The following PAXIP1 variants were observed in gnomAD, a reference collection of about 807,000 sequenced individuals.
PAXIP1 encodes the protein PAX interacting protein 1.
Under a neutral mutation model 140.6 loss-of-function variants are expected in PAXIP1, and 19 were observed. The ratio of observed to expected loss-of-function variants is 0.14; its 90% CI spans 0.09 to 0.20. The LOEUF (loss-of-function observed/expected upper bound fraction) is 0.20, where lower values mean the gene tolerates loss of function less well. Among genes scored for constraint, PAXIP1 ranks in the 10% least tolerant of loss-of-function variants. PAXIP1 has a pLI of 1.00. For synonymous variants in PAXIP1, 442 were observed against 444.6 expected (o/e 0.99, Z 0.07); for missense variants, 920 against 1,208.6 (o/e 0.76, Z 3.54).
At position 155,002,856 on chromosome 7, in the gene PAXIP1, T is replaced by C; in HGVS notation, c.74A>G (p.Asp25Gly). The change falls in exon 1 of 21, where the codon GAC becomes GGC. Residue 25 changes from aspartate to glycine, a missense_variant. Transcript: ENST00000404141. ...EVKYYAVGDI[D>G]PQVIQLLKAG... ...CAGGGGCGGGCGCGGTACCTGCGGG[T>C]CGATGTCGCCCACCGCGTAATACTT... The C allele has an allele frequency of 7.2e-7, 1 of 1,395,598 alleles. No homozygotes were observed. The highest frequency in any genetic ancestry group is 9.5e-7 in the Non-Finnish European group (1 of 1,056,592). The allele number at this position is 1,395,598 out of a possible 1,614,324, so 86.5% of individuals were successfully genotyped here.
At position 154,944,339 on chromosome 7, in the gene PAXIP1, A is replaced by G. The variant is rs1807826748; in HGVS notation, c.3195-175T>C. The G allele has an allele frequency of 3.7e-6, 2 of 539,150 alleles. 1 individual carries two copies. The highest frequency in any genetic ancestry group is 4.9e-5 in the South Asian group (2 of 41,114). 33.4% of individuals were successfully genotyped at this position (539,150 alleles called of 1,614,324 possible). ...CATACCCACATCACAGGAGGCCCTC[A>G]GCCCCGACACACAGGCTCACTCAGC... is the stretch of plus-strand genomic sequence containing the variant. On this transcript the variant is annotated intron_variant, in intron 20 of 20. Transcript: ENST00000404141.
intron 2 of PAXIP1, among the ~76,000 whole-genome samples, chr7:154,997,885 A>G (rs1810710806): frequency 6.6e-6 from 1 of 152,260 alleles, no homozygotes; most frequent in African/African-American, 2.4e-5. Flanking sequence ...ACCTTGCCAC[A>G]GTCGGGATGG....
rs181954521 is a variant in PAXIP1, at chr7:154,992,305, T to C, written c.261-1236A>G. Reference sequence around the variant, plus strand: ...GGCTCATGCCTGTAATCCCAGCACTTTGGGAGGCCGAGGTGGGTGGACCAC... The same window carrying C: ...GGCTCATGCCTGTAATCCCAGCACTCTGGGAGGCCGAGGTGGGTGGACCAC... On this transcript the variant is annotated intron_variant, in intron 3 of 20. Transcript: ENST00000404141. Among the ~76,000 whole-genome samples the C allele has an allele frequency of 4.5e-3, 678 of 152,246 alleles. 22 individuals are homozygous for C. The highest frequency in any genetic ancestry group is 0.038 in the Admixed American group (581 of 15,296).
Position 154,946,815 on chromosome 7 carries a change from TA to T in PAXIP1, c.2923-3del. On this transcript the variant is annotated splice_region_variant and splice_polypyrimidine_tract_variant and intron_variant, in intron 17 of 20. Coordinates refer to ENST00000404141, the MANE Select transcript of PAXIP1 (RefSeq NM_007349.4). This position sits in a 1 kb window ranked among gnomAD's most constrained non-coding sequence, Gnocchi z 4.9. ...AGGTGTGATGTAAAAATATTTTGCCTAAAATTAAATGAAAATATATGTATTA... is the reference window on the plus strand; with the variant it reads ...AGGTGTGATGTAAAAATATTTTGCCTAAATTAAATGAAAATATATGTATTA... 6.4e-7 allele frequency: 1 copy of T among 1,565,480 alleles called. No individual in the cohort carries two copies. The highest frequency in any genetic ancestry group is 8.7e-7 in the Non-Finnish European group (1 of 1,149,648).
chr7:154,979,785 G>A (rs1809758273), intron 5 of PAXIP1, among the ~76,000 whole-genome samples: 1 of 152,168 alleles, frequency 6.6e-6, no homozygotes, highest in Non-Finnish European at 1.5e-5. Context: ...GGGTGAGTTA[G>A]AAAGAACCAG....
chr7:154,984,750 A>T (rs1254327485), intron 4 of PAXIP1, among the ~76,000 whole-genome samples: 1 of 152,258 alleles, frequency 6.6e-6, no homozygotes, highest in Non-Finnish European at 1.5e-5. Flanking sequence ...GATAATACAG[A>T]TTAATCCAAT....
At position 154,956,852 on chromosome 7, in the gene PAXIP1, C is replaced by T. The variant is rs1017513928; in HGVS notation, c.2549+372G>A. The T allele has an allele frequency of 1.8e-5, 3 of 169,022 alleles. No homozygotes were observed. The highest frequency in any genetic ancestry group is 4.8e-5 in the African/African-American group (2 of 41,786). 10.5% of individuals were successfully genotyped at this position (169,022 alleles called of 1,614,324 possible). A position where few individuals can be genotyped will look rare whatever the true frequency, so the allele number is the denominator to read the frequency against. ...GCCTACATGCTCTCTCGGCAGCCTACACGCTCTCTTGGCATGTACAGCAGG... is the reference window on the plus strand; with the variant it reads ...GCCTACATGCTCTCTCGGCAGCCTATACGCTCTCTTGGCATGTACAGCAGG... On this transcript the variant is annotated intron_variant, in intron 14 of 20. Transcript: ENST00000404141. This position sits in a 1 kb window ranked among gnomAD's most constrained non-coding sequence, Gnocchi z 4.2.
chr7:154,991,834 A>G (rs1585082706), intron 3 of PAXIP1, among the ~76,000 whole-genome samples: 1 of 152,318 alleles, frequency 6.6e-6, no homozygotes, highest in South Asian at 2.1e-4. Flanking sequence ...GGGTTAAAGT[A>G]TTACTTCTCT....
intron 9 of PAXIP1, 78 bp from the exon 10 acceptor site, chr7:154,962,536 C>T (rs1027209141): frequency 1.6e-6 from 2 of 1,263,680 alleles, no homozygotes; most frequent in East Asian, 2.5e-5. Context: ...GGTTGTATAA[C>T]TACAATGCCC....
At chr7:154,988,155 C>T (rs985499468) in intron 4 of PAXIP1, among the ~76,000 whole-genome samples, 1 of 152,212 alleles carries the variant, frequency 6.6e-6, no homozygotes, top group Admixed American at 6.5e-5. Context: ...CGTGCAAATG[C>T]ACACCCTTGG....
intron 5 of PAXIP1, among the ~76,000 whole-genome samples, chr7:154,979,727 A>AT (rs1302890481): frequency 6.6e-6 from 1 of 151,980 alleles, no homozygotes; most frequent in Non-Finnish European, 1.5e-5. Context: ...GCCAGAATAT[A>AT]TGGTTCCTTC....
In PAXIP1 at chr7:154,955,523, T is replaced by C. The variant is rs1808465928; in HGVS notation, c.2652+6A>G. The C allele has an allele frequency of 1.3e-6, 2 of 1,577,130 alleles. No homozygotes were observed. Among genetic ancestry groups the C allele is most frequent in the South Asian group, 2.2e-5 (2 of 89,804 alleles). On this transcript the variant is annotated splice_donor_region_variant and intron_variant, in intron 15 of 20. Transcript: ENST00000404141. Reference sequence around the variant, plus strand: ...AAATCCTTGTACGAAGTAGATGAAATTTCACCTTAATATACTGTTGAACCT... The same window carrying C: ...AAATCCTTGTACGAAGTAGATGAAACTTCACCTTAATATACTGTTGAACCT...
intron 4 of PAXIP1, among the ~76,000 whole-genome samples, chr7:154,988,611 CTTAT>C (rs994249239): frequency 2.0e-5 from 3 of 152,116 alleles, no homozygotes; most frequent in African/African-American, 4.8e-5. Flanking sequence ...TTTTGATTTT[CTTAT>C]TTATTTCACC....
At chr7:154,976,869 A>C (rs1266004375) in intron 5 of PAXIP1, among the ~76,000 whole-genome samples, 1 of 152,220 alleles carries the variant, frequency 6.6e-6, no homozygotes, top group Non-Finnish European at 1.5e-5. Context: ...AGGGATGGAG[A>C]CACAAAGGAT....
intron 10 of PAXIP1, among the ~76,000 whole-genome samples, chr7:154,961,952 GCTC>G (rs1394102008): frequency 3.3e-5 from 5 of 152,214 alleles, no homozygotes; most frequent in African/African-American, 1.2e-4. Context: ...CCACGAGCCA[GCTC>G]CTCCTTCTCC....
At chr7:154,955,100 C>G (rs1225025396) in intron 15 of PAXIP1, among the ~76,000 whole-genome samples, 1 of 152,146 alleles carries the variant, frequency 6.6e-6, no homozygotes, top group African/African-American at 2.4e-5. Context: ...AAAACCTGTG[C>G]CCATTTATCA....
chr7:155,003,348 G>A (rs1250262977), upstream of PAXIP1: 9 of 152,018 alleles, frequency 5.9e-5, no homozygotes, highest in South Asian at 1.7e-3. Context: ...CCCCCTCGGC[G>A]GGGCCGGAGT....
At chr7:155,002,828 C>A (rs958636773) in intron 1 of PAXIP1, 21 bp downstream of exon 1, 3 of 1,360,300 alleles carry the variant, frequency 2.2e-6, no homozygotes, top group Non-Finnish European at 2.9e-6. Flanking sequence ...GAGGAGGCCG[C>A]GGCAGGGGCG....
chr7:154,968,629 G>T lies in PAXIP1; in HGVS notation c.1572C>A (p.Leu524=). The change falls in exon 7 of 21, where the codon CTC becomes CTA. Residue 524 remains leucine (L), a synonymous_variant. Coordinates refer to ENST00000404141, the MANE Select transcript of PAXIP1 (RefSeq NM_007349.4). Reference sequence around the variant, plus strand: ...GAATCTGCTGTTGCTGCTGCTGCTGGAGCAGGCTGTGCTGCTGCTGGAGCT... The same window carrying T: ...GAATCTGCTGTTGCTGCTGCTGCTGTAGCAGGCTGTGCTGCTGCTGGAGCT... ...LAQLQQQHSL[L]QQQQQQQIQQ... is the part of the protein sequence containing the mutation. 1 of 713,500 alleles carries T rather than the reference G, an allele frequency of 1.4e-6. No individual in the cohort carries two copies. 44.2% of individuals were successfully genotyped at this position (713,500 alleles called of 1,614,324 possible). A position where few individuals can be genotyped will look rare whatever the true frequency, so the allele number is the denominator to read the frequency against.
Sources: allele counts gnomAD v4.1 joint callset (sites outside exome capture counted in the v4.1 genomes callset), GRCh38; gene constraint gnomAD v4.1.1; non-coding constraint Gnocchi (gnomAD v3.1); transcripts MANE v1.5; gene names NCBI Gene and HGNC (gene_info 2026-07-23, HGNC 2026-07-21).